ANKS1B: variants seen among roughly 807,000 people sequenced by gnomAD.
The protein encoded by ANKS1B is ankyrin repeat and sterile alpha motif domain-containing protein 1B.
In ANKS1B, 36 loss-of-function variants were observed where a neutral mutation model predicts 148.3. That is an observed-to-expected ratio of 0.24 (90% confidence interval 0.19 to 0.32). The LOEUF (loss-of-function observed/expected upper bound fraction) is 0.32, where lower values mean the gene tolerates loss of function less well. ANKS1B is among the 10% of genes least tolerant of loss of function. The pLI is 1.00. For missense variants in ANKS1B, 1,157 were observed against 1,542.6 expected (o/e 0.75, Z 4.19); for synonymous variants, 542 against 560.8 (o/e 0.97, Z 0.47).
chr12:99,975,826 C>T lies in ANKS1B; in HGVS notation c.134+8278G>A, dbSNP rs563204955. Among the ~76,000 whole-genome samples the T allele has an allele frequency of 1.4e-3, 206 of 152,218 alleles. 5 individuals are homozygous for T. In the South Asian group the frequency reaches 0.041, roughly 30 times the overall value. On this transcript the variant is annotated intron_variant, in intron 1 of 26. Transcript: ENST00000683438. ...CAAAGAACCTAAAATTGCTACCATT[C>T]GACCCAGCAATCCCATTGCTGTGTA...
At chr12:99,069,477 G>A (rs936127028) in intron 16 of ANKS1B, among the ~76,000 whole-genome samples, 2 of 152,184 alleles carry the variant, frequency 1.3e-5, no homozygotes, top group African/African-American at 4.8e-5. Context: ...CCAAGCAGTA[G>A]CTTCCAAGTA....
At chr12:99,771,633 T>G (rs2063204431) in intron 8 of ANKS1B, among the ~76,000 whole-genome samples, 1 of 152,068 alleles carries the variant, frequency 6.6e-6, no homozygotes, top group Admixed American at 6.5e-5. Context: ...TATAAATTAT[T>G]TCATTAATAT....
At chr12:99,411,342 C>T (rs1000186553) in intron 11 of ANKS1B, among the ~76,000 whole-genome samples, 3 of 152,160 alleles carry the variant, frequency 2.0e-5, no homozygotes, top group South Asian at 2.1e-4. Context: ...CTCAGGATAA[C>T]GGTCTCTAGC....
chr12:98,983,014 C>T (rs2099914854), intron 17 of ANKS1B, among the ~76,000 whole-genome samples: 1 of 152,172 alleles, frequency 6.6e-6, no homozygotes. Context: ...TACAAATGTT[C>T]TGGTTGTTCC....
chr12:99,598,384 T>C (rs1244053946), intron 9 of ANKS1B, among the ~76,000 whole-genome samples: 1 of 152,084 alleles, frequency 6.6e-6, no homozygotes, highest in Non-Finnish European at 1.5e-5. Context: ...TTGCAAGCTA[T>C]CATTTTTACT....
intron 25 of ANKS1B, among the ~76,000 whole-genome samples, chr12:98,767,416 A>G (rs2098499304): frequency 6.6e-6 from 1 of 151,786 alleles, no homozygotes; most frequent in African/African-American, 2.4e-5. Flanking sequence ...TCCGTCTCCC[A>G]CACGTCCCAC....
At chr12:99,828,150 A>T (rs2083443042) in intron 1 of ANKS1B, among the ~76,000 whole-genome samples, 1 of 152,216 alleles carries the variant, frequency 6.6e-6, no homozygotes, top group Non-Finnish European at 1.5e-5. Flanking sequence ...CATTGGTTGA[A>T]AATCTAAATC....
chr12:99,504,122 C>A (rs1321354468), intron 10 of ANKS1B, among the ~76,000 whole-genome samples: 8 of 152,098 alleles, frequency 5.3e-5, no homozygotes, highest in Non-Finnish European at 1.0e-4. Context: ...AACTTGGTAA[C>A]AGATAGGCTA....
intron 12 of ANKS1B, among the ~76,000 whole-genome samples, chr12:99,304,606 G>A (rs941451876): frequency 1.3e-5 from 2 of 152,016 alleles, no homozygotes; most frequent in African/African-American, 4.8e-5. Flanking sequence ...CTGAAAATAA[G>A]GGATAAAATG....
chr12:99,435,994 CT>C (rs2095454190), intron 11 of ANKS1B, among the ~76,000 whole-genome samples: 1 of 152,002 alleles, frequency 6.6e-6, no homozygotes, highest in South Asian at 2.1e-4. Context: ...CCAAATCGCT[CT>C]TTGTTTTACT....
chr12:98,885,180 C>T (rs1348357589), intron 17 of ANKS1B, among the ~76,000 whole-genome samples: 1 of 152,048 alleles, frequency 6.6e-6, no homozygotes, highest in East Asian at 1.9e-4. Flanking sequence ...ACTTCCCTTC[C>T]TCAATATCTA....
intron 9 of ANKS1B, among the ~76,000 whole-genome samples, chr12:99,626,568 C>A (rs1339866922): frequency 1.3e-5 from 2 of 152,120 alleles, no homozygotes; most frequent in African/African-American, 4.8e-5. Flanking sequence ...TTTACTTGTT[C>A]TCTCCCTGAG....
chr12:99,023,742 A>G (rs2099947141), intron 17 of ANKS1B, among the ~76,000 whole-genome samples: 1 of 151,438 alleles, frequency 6.6e-6, no homozygotes, highest in African/African-American at 2.4e-5. Context: ...CATTACTTCT[A>G]TGTCTCTTTT....
intron 12 of ANKS1B, among the ~76,000 whole-genome samples, chr12:99,385,013 TAC>T: frequency 6.6e-6 from 1 of 152,300 alleles, no homozygotes; most frequent in African/African-American, 2.4e-5. Context: ...GTTCAGTGTT[TAC>T]AGTTTTATAT....
At chr12:99,031,360 G>A (rs1001269803) in intron 17 of ANKS1B, among the ~76,000 whole-genome samples, 1 of 152,176 alleles carries the variant, frequency 6.6e-6, no homozygotes, top group Non-Finnish European at 1.5e-5. Flanking sequence ...ACTGTTCTGA[G>A]TGGTTTCTAT....
chr12:99,314,548 T>G (rs2083694488), intron 12 of ANKS1B, among the ~76,000 whole-genome samples: 1 of 152,164 alleles, frequency 6.6e-6, no homozygotes, highest in South Asian at 2.1e-4. Context: ...CAAAAGAGCA[T>G]GGTACTGGTA....
chr12:99,431,059 T>A (rs919619783), intron 11 of ANKS1B, among the ~76,000 whole-genome samples: 1 of 152,234 alleles, frequency 6.6e-6, no homozygotes, highest in Non-Finnish European at 1.5e-5. Flanking sequence ...AATACTCACT[T>A]ATTGAATTGA....
intron 14 of ANKS1B, among the ~76,000 whole-genome samples, chr12:99,213,660 A>G (rs2083690620): frequency 6.6e-6 from 1 of 152,226 alleles, no homozygotes; most frequent in Admixed American, 6.5e-5. Context: ...CCTTCCCTTG[A>G]GTATGGTTAA....
chr12:99,514,994 T>A (rs1242417797), intron 9 of ANKS1B, among the ~76,000 whole-genome samples: 3 of 151,344 alleles, frequency 2.0e-5, no homozygotes, highest in Non-Finnish European at 4.4e-5. Context: ...TCTTGACATT[T>A]GGCCTCTATC....
Sources: gnomAD v4.1 joint callset for allele counts (sites outside exome capture counted in the v4.1 genomes callset) on GRCh38, gnomAD v4.1.1 for gene constraint, MANE v1.5 for transcripts, NCBI Gene and HGNC (gene_info 2026-07-23, HGNC 2026-07-21) for gene names.